The following PCLO variants were observed in gnomAD, a reference collection of about 807,000 sequenced individuals.
The protein encoded by PCLO is protein piccolo.
A neutral mutation model predicts 427.5 loss-of-function variants in PCLO; 82 were observed. The observed-to-expected ratio is 0.19, with a 90% confidence interval of 0.16 to 0.23. PCLO has a LOEUF of 0.23. Among genes scored for constraint, PCLO ranks in the 10% least tolerant of loss-of-function variants. The probability of loss-of-function intolerance (pLI) is 1.00; values close to 1 mark genes in which losing one functional copy is unlikely to be tolerated. For missense variants in PCLO, 6,239 were observed against 6,115.9 expected, an observed-to-expected ratio of 1.02 and a Z score of -0.67; for synonymous variants, 2,357 against 2,155.4, an observed-to-expected ratio of 1.09 and a Z score of -2.59.
intron 6 of PCLO, among the ~76,000 whole-genome samples, chr7:82,925,307 A>G (rs1411578985): frequency 6.6e-6 from 1 of 151,708 alleles, no homozygotes; most frequent in Non-Finnish European, 1.5e-5. Context: ...TAGTGCAGTA[A>G]AGGAATTAAC....
intron 2 of PCLO, among the ~76,000 whole-genome samples, chr7:83,139,568 C>T (rs1371354573): frequency 6.6e-6 from 1 of 152,140 alleles, no homozygotes; most frequent in Non-Finnish European, 1.5e-5. Flanking sequence ...TCTACCTAAG[C>T]AGATAGTTAG....
chr7:83,037,989 TTATATATATATATATATATATATATATA>T lies in PCLO; in HGVS notation c.3301-71530_3301-71503del, dbSNP rs1161030427. On this transcript the variant is annotated intron_variant, in intron 3 of 24. Coordinates refer to ENST00000333891, the MANE Select transcript of PCLO (RefSeq NM_033026.6). The stretch of plus-strand genomic sequence containing the variant: ...GTTGTGTGGAGGTGTAAGGAGGAGC[TTATATATATATATATATATATATATATA>T]TATATATATATATTTATATATTTAT... 2.3e-3 allele frequency among the ~76,000 whole-genome samples: 31 copies of T among 13,596 alleles called. 6 individuals carry two copies. The East Asian group carries it at 0.038, about 17-fold the overall frequency. 8.9% of individuals were successfully genotyped at this position (13,596 alleles called of 152,430 possible).
At position 82,826,640 on chromosome 7, in the gene PCLO, C is replaced by A; in HGVS notation, c.14364G>T (p.Glu4788Asp). The change falls in exon 18 of 25, where the codon GAG (glutamate) becomes GAT (aspartate). Residue 4788 changes from glutamate (E) to aspartate (D), a missense_variant. Physicochemically the swap from Glu to Asp is conservative, Grantham distance 45. Around this residue, in one of 5 missense-constraint regions of PCLO, gnomAD observed 877 missense variants for 925.5 expected, o/e 0.95. Coordinates refer to ENST00000333891, the MANE Select transcript of PCLO (RefSeq NM_033026.6). ...ATCTATCATAATCCCAAACTGTCAC[C>A]TCCAGTGTTTTCTTCTTGAGCTATA... ...SMEQLKKKTL[E>D]VTVWDYDRFS... 6.2e-7 allele frequency: 1 copy of A among 1,605,990 alleles called. No individual in the cohort carries two copies. The highest frequency in any genetic ancestry group is 8.5e-7 in the Non-Finnish European group (1 of 1,174,858).
intron 9 of PCLO, among the ~76,000 whole-genome samples, chr7:82,890,721 C>G (rs1793742230): frequency 6.6e-6 from 1 of 151,824 alleles, no homozygotes; most frequent in Admixed American, 6.6e-5. Flanking sequence ...TAGAACTATC[C>G]TTACCATGCT....
intron 7 of PCLO, among the ~76,000 whole-genome samples, chr7:82,911,887 C>T (rs895760996): frequency 2.0e-5 from 3 of 152,140 alleles, no homozygotes; most frequent in Admixed American, 1.3e-4. Flanking sequence ...TCCCAAAGTG[C>T]TGGAATTACA....
At chr7:83,050,208 GAAAAAAAAA>G (rs556193471) in intron 3 of PCLO, among the ~76,000 whole-genome samples, 111 of 5,440 alleles carry the variant, frequency 0.02, no homozygotes, top group African/African-American at 0.055. Context: ...CTGAAAAACT[GAAAAAAAAA>G]AAAAAAAAAA....
chr7:83,017,625 T>C (rs1176607336), intron 3 of PCLO, among the ~76,000 whole-genome samples: 3 of 152,032 alleles, frequency 2.0e-5, no homozygotes, highest in South Asian at 2.1e-4. Flanking sequence ...CCTAATGATA[T>C]ATTGAAATGT....
intron 3 of PCLO, among the ~76,000 whole-genome samples, chr7:83,091,004 T>A (rs112835196): frequency 0.042 from 6,338 of 152,162 alleles, 198 homozygotes; most frequent in Non-Finnish European, 0.059. Flanking sequence ...ATAATGTAAG[T>A]CCCTTGCCTA....
chr7:82,776,315 G>A (rs1022077729), intron 22 of PCLO, among the ~76,000 whole-genome samples: 3 of 152,184 alleles, frequency 2.0e-5, no homozygotes, highest in Admixed American at 1.3e-4. Context: ...AAACTGGGCC[G>A]GGCGTGGTGG....
At chr7:83,096,659 G>C (rs2116463661) in intron 3 of PCLO, among the ~76,000 whole-genome samples, 1 of 133,670 alleles carries the variant, frequency 7.5e-6, no homozygotes, top group East Asian at 2.3e-4. Flanking sequence ...TCTCTAATTT[G>C]TCTTATTTTG....
At chr7:82,829,546 C>T (rs1292157777) in intron 16 of PCLO, among the ~76,000 whole-genome samples, 2 of 152,042 alleles carry the variant, frequency 1.3e-5, no homozygotes, top group Admixed American at 1.3e-4. Flanking sequence ...CAATTAAGGG[C>T]AGAATTTGAC....
chr7:82,971,975 CTA>C (rs1252911041), intron 3 of PCLO, among the ~76,000 whole-genome samples: 7 of 151,516 alleles, frequency 4.6e-5, no homozygotes, highest in African/African-American at 1.7e-4. Context: ...TATGTTTCAT[CTA>C]TGTTATCATT....
At chr7:83,069,630 G>A (rs1224294397) in intron 3 of PCLO, among the ~76,000 whole-genome samples, 2 of 152,226 alleles carry the variant, frequency 1.3e-5, no homozygotes, top group South Asian at 2.1e-4. Context: ...TTGTTGTGCA[G>A]AGAAAGATAA....
In PCLO at chr7:82,808,719, T is replaced by C. The variant is rs1791507319; in HGVS notation, c.14792-2890A>G. On this transcript the variant is annotated intron_variant, in intron 20 of 24. Transcript: ENST00000333891. Reference sequence around the variant, plus strand: ...TCTAAGGTTCTGTCTATGGAAATTTTAGGCAGTTAGAAATTAGGTGAATAA... The same window carrying C: ...TCTAAGGTTCTGTCTATGGAAATTTCAGGCAGTTAGAAATTAGGTGAATAA... Among the ~76,000 whole-genome samples the C allele has an allele frequency of 2.6e-5, 4 of 152,042 alleles. No individual in the cohort carries two copies. The South Asian group carries it at 8.3e-4, about 31-fold the overall frequency.
chr7:82,873,982 A>G (rs1292266492), intron 10 of PCLO, among the ~76,000 whole-genome samples: 9 of 152,216 alleles, frequency 5.9e-5, no homozygotes, highest in Non-Finnish European at 1.3e-4. Context: ...CCCAGAGGTA[A>G]CTTTGCATTT....
At chr7:82,800,864 C>T (rs1365869234) in intron 22 of PCLO, among the ~76,000 whole-genome samples, 2 of 151,906 alleles carry the variant, frequency 1.3e-5, no homozygotes, top group Non-Finnish European at 2.9e-5. Flanking sequence ...GGATTTCAGG[C>T]GTGAGCCACC....
chr7:82,932,938 A>G (rs1356512282), intron 6 of PCLO, among the ~76,000 whole-genome samples: 1 of 152,062 alleles, frequency 6.6e-6, no homozygotes, highest in Non-Finnish European at 1.5e-5. Context: ...GAACTTCTAC[A>G]TATATGTCTG....
chr7:83,025,029 C>CTAGA (rs1309357242), intron 3 of PCLO, among the ~76,000 whole-genome samples: 1 of 152,152 alleles, frequency 6.6e-6, no homozygotes, highest in Admixed American at 6.5e-5. Context: ...AAACTGGAAA[C>CTAGA]TCTAAAAAGT....
chr7:83,068,137 A>G (rs933119069), intron 3 of PCLO, among the ~76,000 whole-genome samples: 1 of 152,162 alleles, frequency 6.6e-6, no homozygotes, highest in African/African-American at 2.4e-5. Flanking sequence ...AACCAAAGTA[A>G]AAATTTCTTC....
Sources: allele counts gnomAD v4.1 joint callset (sites outside exome capture counted in the v4.1 genomes callset), GRCh38; gene constraint gnomAD v4.1.1; regional missense constraint gnomAD v4.1.1; transcripts MANE v1.5; gene names NCBI Gene and HGNC (gene_info 2026-07-23, HGNC 2026-07-21).